The following DGKI variants were observed in gnomAD, a reference collection of about 807,000 sequenced individuals.
The protein encoded by DGKI is diacylglycerol kinase iota.
Under a neutral mutation model 147.5 loss-of-function variants are expected in DGKI, and 55 were observed. The observed-to-expected ratio is 0.37, with a 90% CI of 0.30 to 0.47. The LOEUF is 0.47. Ranked by LOEUF, DGKI falls within the 20% of genes least tolerant of loss-of-function variation. The pLI, the probability that DGKI is intolerant of heterozygous loss-of-function variation, is 1.00. For missense variants in DGKI, 1,007 were observed against 1,323.8 expected, an observed-to-expected ratio of 0.76 and a Z score of 3.71; for synonymous variants, 469 against 477.1, an observed-to-expected ratio of 0.98 and a Z score of 0.22.
rs928155118 is a variant in DGKI, at chr7:137,757,190, G to T, written c.402-67188C>A. Reference sequence around the variant, plus strand: ...CGCTGCATCCACTTCTTAAACCTGGGTCATCGGGCTTCCCCCACCCCACTT... The same window carrying T: ...CGCTGCATCCACTTCTTAAACCTGGTTCATCGGGCTTCCCCCACCCCACTT... On this transcript the variant is annotated intron_variant, in intron 1 of 32. Transcript: ENST00000614521. Among the ~76,000 whole-genome samples, 4 of 151,854 alleles carry T rather than the reference G, an allele frequency of 2.6e-5. No individual in the cohort carries two copies. In the South Asian group the frequency reaches 8.3e-4, roughly 32 times the overall value.
chr7:137,663,734 G>T (rs3778791), intron 3 of DGKI, among the ~76,000 whole-genome samples: 23,235 of 152,080 alleles, frequency 0.15, 5,332 homozygotes, highest in African/African-American at 0.5. Context: ...ACAGAACTAC[G>T]CCCCAGAAGC....
intron 1 of DGKI, among the ~76,000 whole-genome samples, chr7:137,754,131 GC>G (rs1299339593): frequency 3.3e-5 from 5 of 152,148 alleles, no homozygotes; most frequent in Admixed American, 2.0e-4. Context: ...AGGGGCAGGT[GC>G]ACTGCTGCTG....
At chr7:137,670,546 C>A (rs1822807439) in intron 3 of DGKI, among the ~76,000 whole-genome samples, 1 of 152,176 alleles carries the variant, frequency 6.6e-6, no homozygotes. Flanking sequence ...CCACTCTCTC[C>A]CTCTCTCATA....
chr7:137,719,648 ACGTATTATACTTTCAATAGTTTGAG>A (rs1226003161), intron 1 of DGKI, among the ~76,000 whole-genome samples: 6 of 152,222 alleles, frequency 3.9e-5, no homozygotes, highest in African/African-American at 7.2e-5. Flanking sequence ...AAAGATATAT[ACGTATTATACTTTCAATAGTTTGAG>A]TTACTGGTTT....
chr7:137,426,309 A>G (rs568593926), intron 28 of DGKI, among the ~76,000 whole-genome samples: 2 of 152,290 alleles, frequency 1.3e-5, no homozygotes, highest in African/African-American at 4.8e-5. Flanking sequence ...AAGCTTCATA[A>G]GTGAAGGAGA....
intron 20 of DGKI, among the ~76,000 whole-genome samples, chr7:137,530,539 C>G (rs747200364): frequency 6.6e-6 from 1 of 152,194 alleles, no homozygotes; most frequent in Non-Finnish European, 1.5e-5. Context: ...AAATCATGAG[C>G]TCTTCAAGGA....
chr7:137,467,419 T>A (rs1168668577), intron 24 of DGKI, among the ~76,000 whole-genome samples: 1 of 152,240 alleles, frequency 6.6e-6, no homozygotes, highest in Admixed American at 6.5e-5. Context: ...GGAATTAGTA[T>A]GTATTTATTA....
At chr7:137,443,839 T>A (rs1395985329) in intron 28 of DGKI, among the ~76,000 whole-genome samples, 1 of 152,208 alleles carries the variant, frequency 6.6e-6, no homozygotes, top group Admixed American at 6.5e-5. Flanking sequence ...TCAGGCAGAA[T>A]AAATTAAGGC....
At chr7:137,507,796 C>A (rs1816418924) in intron 21 of DGKI, among the ~76,000 whole-genome samples, 1 of 152,054 alleles carries the variant, frequency 6.6e-6, no homozygotes, top group Non-Finnish European at 1.5e-5. Context: ...CTGATGATAT[C>A]TTTGTGGCAG....
chr7:137,461,307 G>C (rs1814433673), intron 27 of DGKI, among the ~76,000 whole-genome samples: 1 of 152,122 alleles, frequency 6.6e-6, no homozygotes, highest in African/African-American at 2.4e-5. Flanking sequence ...TTACTTATCT[G>C]TTAAGCAACA....
At chr7:137,469,724 G>T in intron 23 of DGKI, 105 bp from the exon 24 acceptor site, 1 of 892,700 alleles carries the variant, frequency 1.1e-6, no homozygotes, top group Non-Finnish European at 1.6e-6. Flanking sequence ...CTGGTGAGAA[G>T]AGCAAATCAC....
intron 1 of DGKI, among the ~76,000 whole-genome samples, chr7:137,729,109 A>G (rs1794796321): frequency 7.1e-6 from 1 of 140,970 alleles, no homozygotes; most frequent in Non-Finnish European, 1.5e-5. Context: ...AATCATTGAG[A>G]AAAAACAGAG....
At chr7:137,737,227 T>TTTTAAAAAAAAAAAA (rs1795050476) in intron 1 of DGKI, among the ~76,000 whole-genome samples, 1 of 76,070 alleles carries the variant, frequency 1.3e-5, no homozygotes, top group Non-Finnish European at 2.6e-5. Context: ...AAAAAAAAAA[T>TTTTAAAAAAAAAAAA]ACATACAAAT....
At chr7:137,828,036 C>T (rs1669929086) in intron 1 of DGKI, among the ~76,000 whole-genome samples, 1 of 152,184 alleles carries the variant, frequency 6.6e-6, no homozygotes, top group Admixed American at 6.5e-5. Flanking sequence ...TCTCAGGGCT[C>T]CCCTATCCTG....
At chr7:137,842,618 T>C (rs574060449) in intron 1 of DGKI, among the ~76,000 whole-genome samples, 3 of 152,324 alleles carry the variant, frequency 2.0e-5, no homozygotes, top group African/African-American at 4.8e-5. Flanking sequence ...AGCTCTTCAT[T>C]GGACCTAGGT....
At chr7:137,821,144 G>A (rs1017885120) in intron 1 of DGKI, among the ~76,000 whole-genome samples, 3 of 152,182 alleles carry the variant, frequency 2.0e-5, no homozygotes, top group South Asian at 2.1e-4. Flanking sequence ...AAGTCTCAGG[G>A]CTTCCCAGAA....
chr7:137,441,243 AC>A (rs1813490904), intron 28 of DGKI, among the ~76,000 whole-genome samples: 1 of 151,312 alleles, frequency 6.6e-6, no homozygotes, highest in Non-Finnish European at 1.5e-5. Flanking sequence ...ACACGGTGAA[AC>A]CCCGTCTCTA....
intron 20 of DGKI, among the ~76,000 whole-genome samples, chr7:137,534,867 C>T (rs1429849920): frequency 6.6e-6 from 1 of 152,022 alleles, no homozygotes; most frequent in Non-Finnish European, 1.5e-5. Context: ...AGGGTCTTTA[C>T]AGAAGTAATT....
chr7:137,816,321 C>G (rs559564629), intron 1 of DGKI, among the ~76,000 whole-genome samples: 1 of 152,318 alleles, frequency 6.6e-6, no homozygotes, highest in Non-Finnish European at 1.5e-5. Flanking sequence ...GAAAATAACT[C>G]TCTTTCTCAG....
Sources: gnomAD v4.1 joint callset for allele counts (sites outside exome capture counted in the v4.1 genomes callset) on GRCh38, gnomAD v4.1.1 for gene constraint, MANE v1.5 for transcripts, NCBI Gene and HGNC (gene_info 2026-07-23, HGNC 2026-07-21) for gene names.